The following MERTK variants were observed in gnomAD, a reference collection of about 807,000 sequenced individuals.
The protein encoded by MERTK is MER proto-oncogene, tyrosine kinase.
MERTK carries 69 observed loss-of-function variants against 99.3 expected under a neutral mutation model. The observed-to-expected ratio is 0.70, with a 90% CI of 0.57 to 0.85. The LOEUF (loss-of-function observed/expected upper bound fraction) is 0.85. MERTK is among the 40% of genes least tolerant of loss of function. MERTK has a pLI of 0.00. For synonymous variants in MERTK, 426 were observed against 467.6 expected (o/e 0.91, Z 1.15); for missense variants, 1,125 against 1,249.4 (o/e 0.90, Z 1.50).
At chr2:111,919,688 C>A (rs956990826) in intron 1 of MERTK, among the ~76,000 whole-genome samples, 4 of 151,884 alleles carry the variant, frequency 2.6e-5, no homozygotes, top group African/African-American at 9.7e-5. Flanking sequence ...TGAGAGGGTA[C>A]CTAAAGCCCT....
At chr2:111,998,138 G>A (rs1676792439) in intron 10 of MERTK, among the ~76,000 whole-genome samples, 1 of 152,202 alleles carries the variant, frequency 6.6e-6, no homozygotes, top group South Asian at 2.1e-4. Context: ...AAGGGCTTAA[G>A]ATTGGCAGCC....
Position 112,003,108 on chromosome 2 carries a change from CAGTG to C in MERTK, c.1710_1713del (p.Ser570ArgfsTer7), listed in dbSNP as rs777602700. ...CTTTTTCAGTACATAGCTTGGGAGT[CAGTG>C]AGGAACTACAAAATAAACTAGAAGA... is the stretch of plus-strand genomic sequence containing the variant. On this transcript the variant is annotated frameshift_variant, in exon 12 of 19. Transcript: ENST00000295408. LOFTEE classifies it high-confidence loss of function. 3.2e-6 allele frequency: 5 copies of C among 1,573,430 alleles called. No individual in the cohort carries two copies. In the South Asian group the frequency reaches 4.4e-5, roughly 14 times the overall value.
At chr2:111,945,515 C>T (rs970566757) in intron 3 of MERTK, among the ~76,000 whole-genome samples, 4 of 152,220 alleles carry the variant, frequency 2.6e-5, no homozygotes, top group African/African-American at 9.7e-5. Context: ...TGGTTTTCCT[C>T]GACTGGCTCA....
intron 10 of MERTK, among the ~76,000 whole-genome samples, chr2:111,998,499 A>C (rs1676799035): frequency 6.6e-6 from 1 of 152,152 alleles, no homozygotes; most frequent in African/African-American, 2.4e-5. Context: ...GTTCATGGGG[A>C]GTCAGGCAGT....
chr2:111,978,976 G>T (rs1676312905), intron 7 of MERTK, among the ~76,000 whole-genome samples: 1 of 152,286 alleles, frequency 6.6e-6, no homozygotes, highest in East Asian at 1.9e-4. Flanking sequence ...CCTACTCAGT[G>T]CTTCTTGAAT....
chr2:111,975,600 T>G, intron 7 of MERTK, 128 bp downstream of exon 7: 1 of 967,722 alleles, frequency 1.0e-6, no homozygotes, highest in Admixed American at 1.9e-5. Context: ...AGAAAATTAT[T>G]GAGGCGACTG....
intron 6 of MERTK, among the ~76,000 whole-genome samples, chr2:111,971,559 G>T (rs888714215): frequency 1.3e-5 from 2 of 151,656 alleles, no homozygotes; most frequent in African/African-American, 4.8e-5. Context: ...AATTTTTTTT[G>T]TCCTCTTGAT....
rs764685292 is a variant in MERTK, at chr2:112,028,895, A to C, written c.*31A>C. 6.2e-7 allele frequency: 1 copy of C among 1,613,324 alleles called. No homozygotes were observed. Among genetic ancestry groups the C allele is most frequent in the South Asian group, 1.1e-5 (1 of 91,062 alleles). On this transcript the variant is annotated 3_prime_UTR_variant, in exon 19 of 19. Coordinates refer to ENST00000295408, the MANE Select transcript of MERTK (RefSeq NM_006343.3). ...GGTGCGGGGAGACATTCCAAAAATCAAGCCAATTCTTCTGCTGTAGGAGAA... is the reference window on the plus strand; with the variant it reads ...GGTGCGGGGAGACATTCCAAAAATCCAGCCAATTCTTCTGCTGTAGGAGAA...
rs949899563 is a variant in MERTK, at chr2:112,019,656, G to A, written c.2189+134G>A. 67 of 748,320 alleles carry A rather than the reference G, an allele frequency of 9.0e-5. 1 individual carries two copies. In the Admixed American group the frequency reaches 9.1e-4, roughly 10 times the overall value. The allele number at this position is 748,320 out of a possible 1,614,324, so 46.4% of individuals were successfully genotyped here. A position where few individuals can be genotyped will look rare whatever the true frequency, so the allele number is the denominator to read the frequency against. On this transcript the variant is annotated intron_variant, in intron 16 of 18. Transcript: ENST00000295408. ...AGCGGGGGATGGTGTGGCTTGCTCCGAAGATGGAAATATGGCTGGGTGTTT... is the reference window on the plus strand; with the variant it reads ...AGCGGGGGATGGTGTGGCTTGCTCCAAAGATGGAAATATGGCTGGGTGTTT...
At chr2:111,905,868 T>C (rs1248017239) in intron 1 of MERTK, among the ~76,000 whole-genome samples, 2 of 152,172 alleles carry the variant, frequency 1.3e-5, no homozygotes, top group Non-Finnish European at 2.9e-5. Context: ...GGATTTTCCA[T>C]GAGTCTTGGA....
At chr2:111,982,710 T>C in intron 7 of MERTK, 132 bp from the exon 8 acceptor site, 1 of 946,912 alleles carries the variant, frequency 1.1e-6, no homozygotes, top group Non-Finnish European at 1.7e-6. Context: ...GGTGAAAATG[T>C]GCTATAAGTC....
At chr2:111,923,358 G>A (rs1002918864) in intron 1 of MERTK, among the ~76,000 whole-genome samples, 2 of 152,194 alleles carry the variant, frequency 1.3e-5, no homozygotes, top group Admixed American at 6.5e-5. Context: ...AGAAGCGGAC[G>A]CTAGGGCTCT....
intron 2 of MERTK, among the ~76,000 whole-genome samples, chr2:111,939,746 C>A (rs976171275): frequency 7.4e-6 from 1 of 136,046 alleles, no homozygotes; most frequent in African/African-American, 2.8e-5. Flanking sequence ...TCAAATGACT[C>A]TCTCACCTTA....
chr2:111,908,116 A>G (rs1189367069), intron 1 of MERTK, among the ~76,000 whole-genome samples: 1 of 152,212 alleles, frequency 6.6e-6, no homozygotes, highest in African/African-American at 2.4e-5. Context: ...CATTGAGGGT[A>G]GGAGTAAGCT....
intron 8 of MERTK, among the ~76,000 whole-genome samples, chr2:111,993,328 G>A (rs547499593): frequency 3.1e-4 from 47 of 152,260 alleles, no homozygotes; most frequent in Non-Finnish European, 5.6e-4. Context: ...TGCTAGGAAA[G>A]TGACTGGCTT....
In MERTK at chr2:111,940,723, T is replaced by G. The variant is rs1684848662; in HGVS notation, c.483-4237T>G. 3.6e-6 allele frequency: 3 copies of G among 826,586 alleles called. No individual in the cohort carries two copies. In the South Asian group the frequency reaches 3.9e-5, roughly 11 times the overall value. The allele number at this position is 826,586 out of a possible 1,614,324, so 51.2% of individuals were successfully genotyped here. ...TGCATTGTCAGCAGTTTTTGCATTA[T>G]CAGGTACTAAGTCCTTGTATTTTTC... On this transcript the variant is annotated intron_variant, in intron 2 of 18. Coordinates refer to ENST00000295408, the MANE Select transcript of MERTK (RefSeq NM_006343.3).
At chr2:111,921,873 G>T (rs1996330) in intron 1 of MERTK, among the ~76,000 whole-genome samples, 1 of 151,890 alleles carries the variant, frequency 6.6e-6, no homozygotes, top group Non-Finnish European at 1.5e-5. Flanking sequence ...GAGCCACCAC[G>T]CCTAGCCTGG....
Position 112,004,004 on chromosome 2 carries a change from TC to T in MERTK, c.1867+23del. ...TGAAGTGTGAGTTATCAGTGATGAATCCCATTCTTCTAGGGTGGGCAGTTGC... is the reference window on the plus strand; with the variant it reads ...TGAAGTGTGAGTTATCAGTGATGAATCCATTCTTCTAGGGTGGGCAGTTGC... On this transcript the variant is annotated intron_variant, in intron 13 of 18. Coordinates refer to ENST00000295408, the MANE Select transcript of MERTK (RefSeq NM_006343.3). 1.3e-6 allele frequency: 2 copies of T among 1,595,492 alleles called. No homozygotes were observed. The highest frequency in any genetic ancestry group is 1.7e-6 in the Non-Finnish European group (2 of 1,163,454).
At chr2:111,907,252 T>C (rs963680252) in intron 1 of MERTK, among the ~76,000 whole-genome samples, 2 of 151,990 alleles carry the variant, frequency 1.3e-5, no homozygotes, top group African/African-American at 4.8e-5. Flanking sequence ...CTGTCTCTAC[T>C]AAATACAAAA....
Sources: allele counts gnomAD v4.1 joint callset (sites outside exome capture counted in the v4.1 genomes callset), GRCh38; gene constraint gnomAD v4.1.1; transcripts MANE v1.5; gene names NCBI Gene and HGNC (gene_info 2026-07-23, HGNC 2026-07-21).